The following CSMD1 variants were observed in gnomAD, a reference collection of about 807,000 sequenced individuals.
The protein encoded by CSMD1 is CUB and Sushi multiple domains 1, also known as CUB and sushi domain-containing protein 1.
A neutral mutation model predicts 417.5 loss-of-function variants in CSMD1; 213 were observed. The ratio of observed to expected loss-of-function variants is 0.51; its 90% CI spans 0.46 to 0.57. CSMD1 has a LOEUF of 0.57. Ranked by LOEUF, CSMD1 falls within the 20% of genes least tolerant of loss-of-function variation. The pLI is 0.00. For missense variants in CSMD1, 6,923 were observed against 4,529.7 expected (o/e 1.53, Z -15.17); for synonymous variants, 2,862 against 1,736.8 (o/e 1.65, Z -16.11).
intron 1 of CSMD1, among the ~76,000 whole-genome samples, chr8:4,913,308 T>C (rs1358550259): frequency 6.6e-6 from 1 of 152,242 alleles, no homozygotes; most frequent in Admixed American, 6.5e-5. Flanking sequence ...CATTTGGTGT[T>C]ATAATTACTT....
At chr8:4,388,826 C>T (rs1803648206) in intron 3 of CSMD1, among the ~76,000 whole-genome samples, 1 of 152,216 alleles carries the variant, frequency 6.6e-6, no homozygotes, top group South Asian at 2.1e-4. Flanking sequence ...CTGAATAATC[C>T]TGCCTTCCCT....
At chr8:4,800,215 G>T (rs769248674) in intron 1 of CSMD1, among the ~76,000 whole-genome samples, 14 of 152,170 alleles carry the variant, frequency 9.2e-5, no homozygotes, top group Middle Eastern at 3.4e-3. Context: ...AAGGCGGATG[G>T]ATCACCTGAG....
At chr8:3,433,838 G>C (rs963922997) in intron 12 of CSMD1, among the ~76,000 whole-genome samples, 3 of 152,224 alleles carry the variant, frequency 2.0e-5, no homozygotes, top group Admixed American at 6.5e-5. Context: ...TGGCAGCTCA[G>C]CCATTCTCTG....
chr8:3,875,457 G>A (rs1246586527), intron 5 of CSMD1, among the ~76,000 whole-genome samples: 1 of 152,124 alleles, frequency 6.6e-6, no homozygotes, highest in East Asian at 1.9e-4. Flanking sequence ...TAGGTGAATG[G>A]GTGGAAAAGC....
At chr8:3,697,683 G>C (rs932151474) in intron 7 of CSMD1, among the ~76,000 whole-genome samples, 1 of 152,050 alleles carries the variant, frequency 6.6e-6, no homozygotes, top group Non-Finnish European at 1.5e-5. Flanking sequence ...GAGGTTCAGA[G>C]ATTGCCTCAT....
chr8:4,345,432 G>A (rs924252129), intron 3 of CSMD1, among the ~76,000 whole-genome samples: 1 of 151,792 alleles, frequency 6.6e-6, no homozygotes, highest in East Asian at 1.9e-4. Context: ...GATCAAATCA[G>A]GATAAAGAAG....
intron 13 of CSMD1, among the ~76,000 whole-genome samples, chr8:3,408,570 T>C (rs910985889): frequency 6.6e-6 from 1 of 151,470 alleles, no homozygotes; most frequent in Non-Finnish European, 1.5e-5. Flanking sequence ...TATGGAAAAG[T>C]ATATTCCTAT....
chr8:3,859,218 CCACCATTCAACTTCTCAAGTGAA>C, intron 5 of CSMD1, among the ~76,000 whole-genome samples: 1 of 152,272 alleles, frequency 6.6e-6, no homozygotes, highest in Non-Finnish European at 1.5e-5. Flanking sequence ...CGTGGGAAAG[CCACCATTCAACTTCTCAAGTGAA>C]CGCCATTCAA....
In CSMD1 at chr8:4,698,021, G is replaced by C. The variant is rs548951266; in HGVS notation, c.86-60463C>G. ...ACATCGAACACTTAATATGTCCATAGAGAAATAAGATTATATAATTGGAAG... is the reference window on the plus strand; with the variant it reads ...ACATCGAACACTTAATATGTCCATACAGAAATAAGATTATATAATTGGAAG... On this transcript the variant is annotated intron_variant, in intron 1 of 69. Transcript: ENST00000635120. 3.9e-5 allele frequency among the ~76,000 whole-genome samples: 6 copies of C among 152,044 alleles called. No individual in the cohort carries two copies. The South Asian group carries it at 1.0e-3, about 26-fold the overall frequency.
chr8:4,531,730 C>T (rs1386343401), intron 2 of CSMD1, among the ~76,000 whole-genome samples: 2 of 152,144 alleles, frequency 1.3e-5, no homozygotes, highest in African/African-American at 4.8e-5. Context: ...ATACAATTCC[C>T]ATACCATGAA....
intron 10 of CSMD1, among the ~76,000 whole-genome samples, chr8:3,553,457 A>G (rs943347461): frequency 2.6e-5 from 4 of 152,202 alleles, no homozygotes; most frequent in Admixed American, 2.0e-4. Context: ...TTTCTTCCCT[A>G]CTATGAAAAA....
intron 1 of CSMD1, among the ~76,000 whole-genome samples, chr8:4,875,526 T>A (rs1013554950): frequency 6.6e-6 from 1 of 152,054 alleles, no homozygotes. Flanking sequence ...GGCATTTGTC[T>A]AGCGCCATCT....
chr8:4,829,152 C>T (rs1175942976), intron 1 of CSMD1, among the ~76,000 whole-genome samples: 1 of 152,128 alleles, frequency 6.6e-6, no homozygotes, highest in Non-Finnish European at 1.5e-5. Flanking sequence ...TTGATCCTGC[C>T]TGTTGCAATT....
chr8:4,866,734 C>T (rs1044157228), intron 1 of CSMD1, among the ~76,000 whole-genome samples: 8 of 151,994 alleles, frequency 5.3e-5, no homozygotes, highest in Non-Finnish European at 8.8e-5. Flanking sequence ...TTTTCAACCT[C>T]GATCGTTCAA....
At chr8:4,426,443 G>C (rs1162373783) in intron 2 of CSMD1, among the ~76,000 whole-genome samples, 2 of 147,472 alleles carry the variant, frequency 1.4e-5, no homozygotes, top group Non-Finnish European at 3.0e-5. Flanking sequence ...ACTATATAGA[G>C]CATATATAGT....
At chr8:4,199,292 A>T (rs139860359) in intron 3 of CSMD1, among the ~76,000 whole-genome samples, 1 of 152,188 alleles carries the variant, frequency 6.6e-6, no homozygotes, top group Non-Finnish European at 1.5e-5. Context: ...ATTGATATGC[A>T]GGCAGTGTAT....
chr8:4,692,533 C>T lies in CSMD1; in HGVS notation c.86-54975G>A, dbSNP rs545573081. 2.4e-4 allele frequency among the ~76,000 whole-genome samples: 36 copies of T among 152,150 alleles called. 1 individual carries two copies. In the South Asian group the frequency reaches 7.5e-3, roughly 32 times the overall value. On this transcript the variant is annotated intron_variant, in intron 1 of 69. Coordinates refer to ENST00000635120, the MANE Select transcript of CSMD1 (RefSeq NM_033225.6). ...AAGACATAATGTCTGAGTTAAGGAA[C>T]AAGGAGCAGCCACATGAAGAGGGCC...
At chr8:3,435,668 C>T (rs532014705) in intron 12 of CSMD1, among the ~76,000 whole-genome samples, 1 of 152,276 alleles carries the variant, frequency 6.6e-6, no homozygotes, top group African/African-American at 2.4e-5. Flanking sequence ...ACGGTGCCAC[C>T]CACCTTCCGT....
At chr8:3,433,850 T>C (rs761167917) in intron 12 of CSMD1, among the ~76,000 whole-genome samples, 1 of 152,224 alleles carries the variant, frequency 6.6e-6, no homozygotes, top group African/African-American at 2.4e-5. Context: ...CATTCTCTGT[T>C]GCACTGGAAA....
Sources: gnomAD v4.1 joint callset for allele counts (sites outside exome capture counted in the v4.1 genomes callset) on GRCh38, gnomAD v4.1.1 for gene constraint, MANE v1.5 for transcripts, NCBI Gene and HGNC (gene_info 2026-07-23, HGNC 2026-07-21) for gene names.